KHDRBS3: variants seen among roughly 807,000 people sequenced by gnomAD.
The protein encoded by KHDRBS3 is KH RNA binding domain containing, signal transduction associated 3.
Under a neutral mutation model 45.6 loss-of-function variants are expected in KHDRBS3, and 23 were observed. That is an observed-to-expected ratio of 0.50 (90% CI 0.36 to 0.72). KHDRBS3 has a LOEUF of 0.72. Among genes scored for constraint, KHDRBS3 ranks in the 30% least tolerant of loss-of-function variants. The pLI is 0.00. For missense variants in KHDRBS3, 352 were observed against 424.8 expected, an observed-to-expected ratio of 0.83 and a Z score of 1.51; for synonymous variants, 162 against 156.5, an observed-to-expected ratio of 1.04 and a Z score of -0.26.
At chr8:135,574,051 C>T (rs1827833729) in intron 5 of KHDRBS3, among the ~76,000 whole-genome samples, 2 of 152,194 alleles carry the variant, frequency 1.3e-5, no homozygotes, top group South Asian at 4.1e-4. Flanking sequence ...TTTTTCTCTT[C>T]TCATCCCCAT....
At chr8:135,583,703 A>G (rs549728725) in intron 6 of KHDRBS3, among the ~76,000 whole-genome samples, 4 of 152,302 alleles carry the variant, frequency 2.6e-5, no homozygotes, top group South Asian at 4.1e-4. Flanking sequence ...TATTGCCTTC[A>G]TTACATGTAT....
chr8:135,655,794 G>A (rs533055153), intron 4 of KHDRBS3, among the ~76,000 whole-genome samples: 9 of 152,122 alleles, frequency 5.9e-5, no homozygotes, highest in East Asian at 5.8e-4. Context: ...GTTTTGTTTC[G>A]TATGACACAT....
chr8:135,570,386 G>C (rs1827644765), intron 5 of KHDRBS3, among the ~76,000 whole-genome samples: 1 of 152,096 alleles, frequency 6.6e-6, no homozygotes, highest in Non-Finnish European at 1.5e-5. Flanking sequence ...TCCTTCTATA[G>C]TGTATGAAGT....
intron 7 of KHDRBS3, among the ~76,000 whole-genome samples, chr8:135,639,494 A>C (rs1830967549): frequency 6.6e-6 from 1 of 152,142 alleles, no homozygotes; most frequent in Non-Finnish European, 1.5e-5. Flanking sequence ...CAGAAGAGTG[A>C]AGCATGATGG....
intron 6 of KHDRBS3, among the ~76,000 whole-genome samples, chr8:135,602,993 T>G (rs1397176644): frequency 6.6e-6 from 1 of 152,212 alleles, no homozygotes; most frequent in Non-Finnish European, 1.5e-5. Context: ...TGCTGTTCAT[T>G]CTGCCTAATT....
intron 7 of KHDRBS3, among the ~76,000 whole-genome samples, chr8:135,620,974 T>C (rs563728204): frequency 3.5e-4 from 54 of 152,318 alleles, no homozygotes; most frequent in African/African-American, 1.3e-3. Flanking sequence ...CTATGTGTGT[T>C]CTTCAGTTGA....
At chr8:135,541,776 G>A (rs919278409) in intron 2 of KHDRBS3, 7 of 152,188 alleles carry the variant, frequency 4.6e-5, no homozygotes, top group South Asian at 2.1e-4. Context: ...TAAAAATTGT[G>A]TGAAATTCCT....
At chr8:135,577,452 T>G (rs1827998427) in intron 5 of KHDRBS3, among the ~76,000 whole-genome samples, 2 of 152,060 alleles carry the variant, frequency 1.3e-5, no homozygotes, top group South Asian at 4.2e-4. Context: ...CTGATTTTTT[T>G]TTTATCATCT....
intron 6 of KHDRBS3, among the ~76,000 whole-genome samples, chr8:135,605,147 C>T (rs770358527): frequency 7.2e-5 from 11 of 152,010 alleles, no homozygotes; most frequent in Non-Finnish European, 1.5e-4. Context: ...GATTATTGAG[C>T]TTCTTGGATG....
rs1037236199 is a variant in KHDRBS3, at chr8:135,535,965, A to G, written c.208-6689A>G. Among the ~76,000 whole-genome samples the G allele has an allele frequency of 1.4e-4, 21 of 151,966 alleles. 1 individual carries two copies. Among genetic ancestry groups the G allele is most frequent in the Admixed American group, 1.4e-3 (21 of 15,256 alleles). ...TTTCAGCAATCCCTTATCCCCCACTATCTCCCCAGGGGAAGTGGTTTCTTT... is the reference window on the plus strand; with the variant it reads ...TTTCAGCAATCCCTTATCCCCCACTGTCTCCCCAGGGGAAGTGGTTTCTTT... On this transcript the variant is annotated intron_variant, in intron 2 of 8. Transcript: ENST00000355849.
chr8:135,483,536 A>G (rs988766687), intron 1 of KHDRBS3, among the ~76,000 whole-genome samples: 1 of 152,210 alleles, frequency 6.6e-6, no homozygotes, highest in Non-Finnish European at 1.5e-5. Flanking sequence ...TAAGTAGTAT[A>G]AAGCATAGAC....
chr8:135,542,882 GT>G, intron 3 of KHDRBS3, 112 bp downstream of exon 3: 1 of 748,124 alleles, frequency 1.3e-6, no homozygotes, highest in Non-Finnish European at 2.2e-6. Context: ...TTGTGATACT[GT>G]TTAGAAAATT....
intron 2 of KHDRBS3, among the ~76,000 whole-genome samples, chr8:135,527,993 G>A (rs1825278749): frequency 6.6e-6 from 1 of 152,276 alleles, no homozygotes; most frequent in African/African-American, 2.4e-5. Flanking sequence ...TTACTCAGGA[G>A]GTATTTTTGT....
At chr8:135,521,464 C>A in intron 2 of KHDRBS3, 109 bp downstream of exon 2, 1 of 602,348 alleles carries the variant, frequency 1.7e-6, no homozygotes, top group South Asian at 2.4e-5. Context: ...TCTTAGCATC[C>A]CCCTACACAC....
At chr8:135,600,668 A>G (rs1829168268) in intron 6 of KHDRBS3, among the ~76,000 whole-genome samples, 2 of 152,210 alleles carry the variant, frequency 1.3e-5, no homozygotes, top group Non-Finnish European at 2.9e-5. Flanking sequence ...TTTGCAGTAC[A>G]TTTTGACAAC....
intron 5 of KHDRBS3, among the ~76,000 whole-genome samples, chr8:135,561,887 C>A (rs1216654705): frequency 3.3e-5 from 5 of 151,702 alleles, no homozygotes; most frequent in Admixed American, 3.3e-4. Context: ...CAGAAGAGTA[C>A]TGATAGGATA....
chr8:135,554,049 A>G (rs1305751226), intron 4 of KHDRBS3, among the ~76,000 whole-genome samples: 1 of 152,194 alleles, frequency 6.6e-6, no homozygotes, highest in Non-Finnish European at 1.5e-5. Flanking sequence ...ACAGTCACCT[A>G]GAATTTTAAA....
chr8:135,576,866 T>C (rs34169333), intron 5 of KHDRBS3, among the ~76,000 whole-genome samples: 30,988 of 152,212 alleles, frequency 0.2, 3,718 homozygotes, highest in Middle Eastern at 0.28. Flanking sequence ...TCTGTAAATA[T>C]ATTAAGCTAA....
intron 7 of KHDRBS3, chr8:135,626,102 A>AT: frequency 2.0e-6 from 1 of 507,154 alleles, no homozygotes; most frequent in Non-Finnish European, 3.5e-6. Context: ...ATAAGGACTC[A>AT]TTTAAAAAGG....
Sources: gnomAD v4.1 joint callset for allele counts (sites outside exome capture counted in the v4.1 genomes callset) on GRCh38, gnomAD v4.1.1 for gene constraint, MANE v1.5 for transcripts, NCBI Gene and HGNC (gene_info 2026-07-23, HGNC 2026-07-21) for gene names.